KANK1: variants seen among roughly 807,000 people sequenced by gnomAD.
KANK1 encodes KN motif and ankyrin repeat domains 1, also known as KN motif and ankyrin repeat domain-containing protein 1.
In KANK1, 109 loss-of-function variants were observed where a neutral mutation model predicts 106.2. The ratio of observed to expected loss-of-function variants is 1.03; its 90% CI spans 0.88 to 1.20. The LOEUF (loss-of-function observed/expected upper bound fraction) is 1.20. Among genes scored for constraint, KANK1 ranks in the 50% most tolerant of loss-of-function variants. KANK1 has a pLI of 0.00. For synonymous variants in KANK1, 873 were observed against 652.2 expected (o/e 1.34, Z -5.16); for missense variants, 2,399 against 1,710.7 (o/e 1.40, Z -7.10).
chr9:717,793 G>GA (rs1564068739), intron 3 of KANK1, among the ~76,000 whole-genome samples: 1 of 151,954 alleles, frequency 6.6e-6, no homozygotes, highest in Non-Finnish European at 1.5e-5. Context: ...AGAGGAGAGA[G>GA]AAAATTCCAG....
rs1331719139 is a variant in KANK1 at position 711,811 on chromosome 9, T to C, written c.1045T>C (p.Tyr349His). ...AAGTGGCGGGGAATTATACATTGAC[T>C]ATGAGGAGGAAGAAATGGAGACCGT... Reference protein sequence around the residue: ...RRSGGELYIDYEEEEMETVEQ... With the variant: ...RRSGGELYIDHEEEEMETVEQ... The change falls in exon 3 of 12, where the codon TAT becomes CAT. Residue 349 changes from tyrosine to histidine, a missense_variant. Coordinates refer to ENST00000382297, the MANE Select transcript of KANK1 (RefSeq NM_015158.5). 1 of 1,613,796 alleles carries C rather than the reference T, an allele frequency of 6.2e-7. No homozygotes were observed. The highest frequency in any genetic ancestry group is 2.2e-5 in the East Asian group (1 of 44,860).
intron 1 of KANK1, among the ~76,000 whole-genome samples, chr9:559,483 G>A (rs9697234): frequency 0.011 from 1,664 of 152,212 alleles, 40 homozygotes; most frequent in African/African-American, 0.038. Context: ...TTGAGTTTGA[G>A]TGTCCAGGCC....
intron 1 of KANK1, among the ~76,000 whole-genome samples, chr9:594,631 C>T (rs1336792963): frequency 1.3e-5 from 2 of 151,728 alleles, no homozygotes; most frequent in Non-Finnish European, 2.9e-5. Flanking sequence ...TCTTAAGATA[C>T]AATGAAATGG....
intron 1 of KANK1, among the ~76,000 whole-genome samples, chr9:562,419 G>A (rs1350092515): frequency 6.6e-6 from 1 of 152,158 alleles, no homozygotes; most frequent in Non-Finnish European, 1.5e-5. Flanking sequence ...AGATGGGAAC[G>A]GACAAAAAGC....
intron 3 of KANK1, among the ~76,000 whole-genome samples, chr9:477,547 C>G (rs533094303): frequency 6.6e-6 from 1 of 152,140 alleles, no homozygotes; most frequent in Admixed American, 6.5e-5. Context: ...CTTTCCAAAC[C>G]AAGGGAATGT....
chr9:555,158 G>A (rs954120917), intron 1 of KANK1, among the ~76,000 whole-genome samples: 3 of 151,224 alleles, frequency 2.0e-5, no homozygotes, highest in East Asian at 3.9e-4. Flanking sequence ...ATAAGTGCTC[G>A]TGAAATGAGC....
At chr9:517,026 C>CACACAT (rs3219532) in intron 1 of KANK1, among the ~76,000 whole-genome samples, 2 of 151,408 alleles carry the variant, frequency 1.3e-5, no homozygotes, top group South Asian at 4.2e-4. Flanking sequence ...CACACACACA[C>CACACAT]ATCCGTCTTG....
At chr9:575,001 T>A (rs1457041602) in intron 1 of KANK1, among the ~76,000 whole-genome samples, 5 of 152,218 alleles carry the variant, frequency 3.3e-5, no homozygotes. Context: ...CAGGTTATTC[T>A]GAATTTTGAG....
rs562563038 is a variant in KANK1, at chr9:619,035, C to A, written c.-83-57855C>A. ...CATTTTATGAACTTAAATTTAGTGT[C>A]TGTTGGTCAAAATCCACAGGACCTT... On this transcript the variant is annotated intron_variant, in intron 1 of 11. Transcript: ENST00000382297. Among the ~76,000 whole-genome samples the A allele has an allele frequency of 1.2e-4, 19 of 152,282 alleles. No homozygotes were observed. In the South Asian group the frequency reaches 3.5e-3, roughly 28 times the overall value.
At chr9:639,621 C>T (rs2137089672) in intron 1 of KANK1, among the ~76,000 whole-genome samples, 1 of 152,254 alleles carries the variant, frequency 6.6e-6, no homozygotes, top group South Asian at 2.1e-4. Flanking sequence ...CTGGCCTGAT[C>T]TTAGATGATT....
chr9:732,395 GTGA>G lies in KANK1; in HGVS notation c.3028_3030del (p.Asp1010del). The G allele has an allele frequency of 6.2e-7, 1 of 1,611,824 alleles. No individual in the cohort carries two copies. The highest frequency in any genetic ancestry group is 8.5e-7 in the Non-Finnish European group (1 of 1,178,038). On this transcript the variant is annotated inframe_deletion, in exon 6 of 12. Coordinates refer to ENST00000382297, the MANE Select transcript of KANK1 (RefSeq NM_015158.5). ...CCACCTAGGTATGAAACAACTTCAA[GTGA>G]TGATTCCAGCTCAGATGAAAGCTCT...
chr9:691,611 A>ATTTTTTTT (rs767618077), intron 2 of KANK1, among the ~76,000 whole-genome samples: 1,373 of 70,850 alleles, frequency 0.019, 67 homozygotes, highest in Middle Eastern at 0.052. Flanking sequence ...TAATACCAGA[A>ATTTTTTTT]TTTTTTTTTT....
chr9:554,022 T>G, intron 1 of KANK1, among the ~76,000 whole-genome samples: 1 of 152,162 alleles, frequency 6.6e-6, no homozygotes, highest in Admixed American at 6.5e-5. Flanking sequence ...GGCGTACAAA[T>G]GTACATTTTT....
chr9:612,676 G>A (rs1037005201), intron 1 of KANK1, among the ~76,000 whole-genome samples: 1 of 152,162 alleles, frequency 6.6e-6, no homozygotes, highest in African/African-American at 2.4e-5. Flanking sequence ...TAAAAAAGCA[G>A]TCCCTTCAGC....
intron 1 of KANK1, among the ~76,000 whole-genome samples, chr9:532,947 G>A (rs906290701): frequency 6.6e-6 from 1 of 152,118 alleles, no homozygotes. Context: ...GTGCTTGGAG[G>A]CCGGGTGTTT....
At chr9:551,106 T>C (rs1437079879) in intron 1 of KANK1, among the ~76,000 whole-genome samples, 1 of 151,948 alleles carries the variant, frequency 6.6e-6, no homozygotes, top group African/African-American at 2.4e-5. Context: ...TGTCAATTCA[T>C]GGTTAATACA....
chr9:631,780 C>G (rs905002185), intron 1 of KANK1, among the ~76,000 whole-genome samples: 4 of 152,208 alleles, frequency 2.6e-5, no homozygotes, highest in Non-Finnish European at 4.4e-5. Flanking sequence ...CTTCCCTTTG[C>G]ATCTGCTCTG....
chr9:599,262 C>G (rs1186929254), intron 1 of KANK1, among the ~76,000 whole-genome samples: 1 of 151,482 alleles, frequency 6.6e-6, no homozygotes, highest in Non-Finnish European at 1.5e-5. Flanking sequence ...AGGTGATCTG[C>G]CCATCCCAGC....
intron 1 of KANK1, among the ~76,000 whole-genome samples, chr9:534,615 C>T (rs979766154): frequency 5.3e-5 from 8 of 152,186 alleles, no homozygotes; most frequent in Admixed American, 6.5e-5. Flanking sequence ...CTTAGTTATG[C>T]AGCAGCCTAC....
Sources: gnomAD v4.1 joint callset for allele counts (sites outside exome capture counted in the v4.1 genomes callset) on GRCh38, gnomAD v4.1.1 for gene constraint, MANE v1.5 for transcripts, NCBI Gene and HGNC (gene_info 2026-07-23, HGNC 2026-07-21) for gene names.